NFIC: variants seen among roughly 807,000 people sequenced by gnomAD.
NFIC encodes nuclear factor 1 C-type.
In NFIC, 12 loss-of-function variants were observed where a neutral mutation model predicts 54.4. The observed-to-expected ratio is 0.22, with a 90% CI of 0.14 to 0.36. The LOEUF (loss-of-function observed/expected upper bound fraction) is 0.36. Ranked by LOEUF, NFIC falls within the 10% of genes least tolerant of loss-of-function variation. NFIC has a pLI of 1.00. For missense variants in NFIC, 575 were observed against 718.2 expected (o/e 0.80, Z 2.28); for synonymous variants, 322 against 319.2 (o/e 1.01, Z -0.09).
chr19:3,397,626 C>G (rs927873731), intron 2 of NFIC, among the ~76,000 whole-genome samples: 7 of 152,206 alleles, frequency 4.6e-5, no homozygotes, highest in Non-Finnish European at 8.8e-5. Flanking sequence ...CCCGGCCTTG[C>G]GAGTCTCCTC....
intron 2 of NFIC, among the ~76,000 whole-genome samples, chr19:3,396,728 G>T (rs552372756): frequency 6.6e-6 from 1 of 152,194 alleles, no homozygotes; most frequent in Non-Finnish European, 1.5e-5. Flanking sequence ...GGCCAAGGTG[G>T]GTGGATCACC....
Position 3,434,364 on chromosome 19 carries a change from G to T in NFIC, c.797G>T (p.Gly266Val). The T allele has an allele frequency of 6.2e-7, 1 of 1,612,888 alleles. No homozygotes were observed. The highest frequency in any genetic ancestry group is 8.5e-7 in the Non-Finnish European group (1 of 1,179,596). ...TACGACCTGAACCCAGCCAGCACTG[G>T]CCTCAGAAGAACGCTGCCCAGCACC... is the stretch of plus-strand genomic sequence containing the variant. ...LAYDLNPASTGLRRTLPSTSS... is the reference protein window; with the variant it reads ...LAYDLNPASTVLRRTLPSTSS... Residue 266 changes from glycine to valine, a missense_variant, in exon 5 of 11, where the codon GGC (glycine) becomes GTC (valine). Gly to Val is a moderately radical substitution (Grantham distance 109). Coordinates refer to ENST00000443272, the MANE Select transcript of NFIC (RefSeq NM_001245002.2).
chr19:3,369,661 T>A lies in NFIC; in HGVS notation c.30+2995T>A, dbSNP rs905556592. On this transcript the variant is annotated intron_variant, in intron 1 of 10. Coordinates refer to ENST00000443272, the MANE Select transcript of NFIC (RefSeq NM_001245002.2). This position sits in a 1 kb window ranked among gnomAD's most constrained non-coding sequence, Gnocchi z 4.3. The stretch of plus-strand genomic sequence containing the variant: ...CTCAAGCGCTTTTTCACTTTTACTC[T>A]TAAGAGGAACTGTGTGGAGCCCATG... Among the ~76,000 whole-genome samples the A allele has an allele frequency of 8.6e-5, 13 of 151,860 alleles. No individual in the cohort carries two copies. The highest frequency in any genetic ancestry group is 2.4e-5 in the African/African-American group (1 of 41,330).
At position 3,381,395 on chromosome 19, in the gene NFIC, CAAAA is replaced by C. The variant is rs71164686; in HGVS notation, c.31-300_31-297del. 4.3e-4 allele frequency among the ~76,000 whole-genome samples: 43 copies of C among 100,894 alleles called. 1 individual carries two copies. The South Asian group carries it at 7.9e-3, about 18-fold the overall frequency. The allele number at this position is 100,894 out of a possible 152,430, so 66.2% of individuals were successfully genotyped here. ...TAGCGTTAAGAGCAAGACTCCGTCT[CAAAA>C]AAAAAAAAAAAAAAAATGATCCTCC... On this transcript the variant is annotated intron_variant, in intron 1 of 10. Coordinates refer to ENST00000443272, the MANE Select transcript of NFIC (RefSeq NM_001245002.2).
chr19:3,427,876 G>C (rs1403480145), intron 3 of NFIC, among the ~76,000 whole-genome samples: 2 of 142,432 alleles, frequency 1.4e-5, no homozygotes, highest in African/African-American at 5.2e-5. Context: ...GAAAGAGAGA[G>C]AGAAAAAGAA....
intron 6 of NFIC, among the ~76,000 whole-genome samples, chr19:3,437,803 C>T (rs1040589359): frequency 2.6e-5 from 4 of 151,862 alleles, no homozygotes; most frequent in African/African-American, 9.7e-5. Context: ...CTCAGCCTCC[C>T]GAGTAGCTGG....
At chr19:3,448,883 C>A in intron 6 of NFIC, 131 bp from the exon 7 acceptor site, 4 of 1,398,570 alleles carry the variant, frequency 2.9e-6, no homozygotes, top group South Asian at 1.5e-5. Flanking sequence ...AGCCTCTCCC[C>A]CTCAGGATTC....
At chr19:3,431,411 G>A (rs917581950) in intron 3 of NFIC, among the ~76,000 whole-genome samples, 5 of 121,462 alleles carry the variant, frequency 4.1e-5, no homozygotes, top group Admixed American at 1.1e-4. Context: ...CTCTGTCCCC[G>A]AGGCTGGAGT....
chr19:3,435,108 A>C lies in NFIC; in HGVS notation c.859A>C (p.Met287Leu). ...SGSKRHKSGSMEEDVDTSPGG... is the reference protein window; with the variant it reads ...SGSKRHKSGSLEEDVDTSPGG... ...GAGCAAGCGGCACAAATCGGGCTCG[A>C]TGGAGGAAGACGTGGACACGAGCCC... is the stretch of plus-strand genomic sequence containing the variant. The change falls in exon 6 of 11, where the codon ATG becomes CTG. Residue 287 changes from methionine to leucine, a missense_variant. Met to Leu is a conservative substitution (Grantham distance 15, BLOSUM62 2). Around this residue, in one of 3 missense-constraint regions of NFIC, gnomAD observed 447 missense variants for 526.9 expected, o/e 0.85. Coordinates refer to ENST00000443272, the MANE Select transcript of NFIC (RefSeq NM_001245002.2). The C allele has an allele frequency of 6.2e-7, 1 of 1,604,732 alleles. No homozygotes were observed. The highest frequency in any genetic ancestry group is 1.1e-5 in the South Asian group (1 of 89,550).
upstream of NFIC, chr19:3,366,410 G>A (rs1291297346): frequency 6.2e-6 from 3 of 480,136 alleles, no homozygotes; most frequent in Admixed American, 4.4e-5. Context: ...GGGGAGAGAG[G>A]AAGAGAGAGA....
At chr19:3,394,108 T>A (rs1481184918) in intron 2 of NFIC, among the ~76,000 whole-genome samples, 1 of 151,754 alleles carries the variant, frequency 6.6e-6, no homozygotes, top group African/African-American at 2.4e-5. Flanking sequence ...CATTAAAATG[T>A]TTAATTTTAA....
chr19:3,413,837 A>G (rs1192232609), intron 2 of NFIC, among the ~76,000 whole-genome samples: 10 of 151,688 alleles, frequency 6.6e-5, no homozygotes, highest in African/African-American at 1.9e-4. Context: ...GGGTTTCGCT[A>G]TGTTGGCCAG....
chr19:3,434,336 G>C lies in NFIC; in HGVS notation c.769G>C (p.Ala257Pro). 1 of 1,613,342 alleles carries C rather than the reference G, an allele frequency of 6.2e-7. No individual in the cohort carries two copies. Among genetic ancestry groups the C allele is most frequent in the Non-Finnish European group, 8.5e-7 (1 of 1,179,878 alleles). ...CCTGGGGGAGCTGCAGGGGCACCTGGCATACGACCTGAACCCAGCCAGCAC... is the reference window on the plus strand; with the variant it reads ...CCTGGGGGAGCTGCAGGGGCACCTGCCATACGACCTGAACCCAGCCAGCAC... ...FSLGELQGHL[A>P]YDLNPASTGL... Residue 257 changes from alanine (A) to proline (P), a missense_variant, in exon 5 of 11, where the codon GCA becomes CCA. This residue lies in a region of NFIC where 447 missense variants were observed against 526.9 expected (regional missense o/e 0.85). Coordinates refer to ENST00000443272, the MANE Select transcript of NFIC (RefSeq NM_001245002.2).
At chr19:3,372,170 G>A (rs963399445) in intron 1 of NFIC, among the ~76,000 whole-genome samples, 11 of 151,982 alleles carry the variant, frequency 7.2e-5, no homozygotes, top group Non-Finnish European at 4.4e-5. Flanking sequence ...ACAGGCACGT[G>A]CCACCACGCC....
chr19:3,462,780 C>T lies in NFIC; in HGVS notation c.*11C>T. The T allele has an allele frequency of 1.2e-6, 2 of 1,613,956 alleles. No individual in the cohort carries two copies. The highest frequency in any genetic ancestry group is 1.7e-6 in the Non-Finnish European group (2 of 1,179,984). The stretch of plus-strand genomic sequence containing the variant: ...TGGTATCTGGGATAGCAAAGGTCTT[C>T]TTCCCTCGCCCCTTCTCCATCGTCC... On this transcript the variant is annotated 3_prime_UTR_variant, in exon 11 of 11. Coordinates refer to ENST00000443272, the MANE Select transcript of NFIC (RefSeq NM_001245002.2).
intron 2 of NFIC, among the ~76,000 whole-genome samples, chr19:3,418,864 C>A (rs1465912301): frequency 6.6e-6 from 1 of 151,970 alleles, no homozygotes; most frequent in African/African-American, 2.4e-5. Flanking sequence ...TAAATAAATA[C>A]ATAAATACAT....
intron 6 of NFIC, among the ~76,000 whole-genome samples, chr19:3,441,940 C>T (rs2082300406): frequency 6.6e-6 from 1 of 152,178 alleles, no homozygotes; most frequent in Non-Finnish European, 1.5e-5. Flanking sequence ...CCCCAATTAG[C>T]CACTCATTAA....
rs566600703 is a variant in NFIC, at chr19:3,390,235, A to G, written c.562+7992A>G. Among the ~76,000 whole-genome samples the G allele has an allele frequency of 1.4e-4, 22 of 152,328 alleles. No homozygotes were observed. The South Asian group carries it at 4.6e-3, about 32-fold the overall frequency. On this transcript the variant is annotated intron_variant, in intron 2 of 10. Coordinates refer to ENST00000443272, the MANE Select transcript of NFIC (RefSeq NM_001245002.2). ...TGGCAGCAGCAGCCTGTTATCCCCC[A>G]GGGCTGGGCAGCCAGGTGTGCCAGC...
upstream of NFIC, among the ~76,000 whole-genome samples, chr19:3,363,260 TATATATA>T (rs1382231594): frequency 3.4e-3 from 262 of 76,544 alleles, 4 homozygotes; most frequent in South Asian, 6.5e-3. Flanking sequence ...TATATATATA[TATATATA>T]TATTTTTTTT....
Sources: allele counts gnomAD v4.1 joint callset (sites outside exome capture counted in the v4.1 genomes callset), GRCh38; gene constraint gnomAD v4.1.1; regional missense constraint gnomAD v4.1.1; non-coding constraint Gnocchi (gnomAD v3.1); transcripts MANE v1.5; gene names NCBI Gene and HGNC (gene_info 2026-07-23, HGNC 2026-07-21).